The following ENPP3 variants were observed in gnomAD, a reference collection of about 807,000 sequenced individuals.
The protein encoded by ENPP3 is ectonucleotide pyrophosphatase/phosphodiesterase 3.
Under a neutral mutation model 117.8 loss-of-function variants are expected in ENPP3, and 104 were observed. The ratio of observed to expected loss-of-function variants is 0.88; its 90% CI spans 0.75 to 1.04. The LOEUF (loss-of-function observed/expected upper bound fraction) is 1.04, where lower values mean the gene tolerates loss of function less well. ENPP3 is among the 50% of genes least tolerant of loss of function. The probability of loss-of-function intolerance (pLI) is 0.00; values close to 1 mark genes in which losing one functional copy is unlikely to be tolerated. For synonymous variants in ENPP3, 380 were observed against 349.9 expected (o/e 1.09, Z -0.96); for missense variants, 1,026 against 1,051.9 (o/e 0.98, Z 0.34).
intron 24 of ENPP3, among the ~76,000 whole-genome samples, chr6:131,742,602 A>G (rs1209688341): frequency 1.3e-5 from 2 of 152,120 alleles, no homozygotes; most frequent in African/African-American, 4.8e-5. Flanking sequence ...ATCCTGAACA[A>G]CAACAACAAC....
intron 5 of ENPP3, among the ~76,000 whole-genome samples, chr6:131,654,283 G>A (rs982691342): frequency 6.6e-6 from 1 of 151,804 alleles, no homozygotes; most frequent in Non-Finnish European, 1.5e-5. Flanking sequence ...ACAGGCATGG[G>A]CCACCACATG....
rs181603038 is a variant in ENPP3 at position 131,676,870 on chromosome 6, T to A, written c.938+69T>A. 854 of 1,057,234 alleles carry A rather than the reference T, an allele frequency of 8.1e-4. 4 individuals carry two copies. In the African/African-American group the frequency reaches 0.013, roughly 16 times the overall value. 65.5% of individuals were successfully genotyped at this position (1,057,234 alleles called of 1,614,324 possible). A position where few individuals can be genotyped will look rare whatever the true frequency, so the allele number is the denominator to read the frequency against. On this transcript the variant is annotated intron_variant, in intron 10 of 24. Coordinates refer to ENST00000357639, the MANE Select transcript of ENPP3 (RefSeq NM_005021.5). ...ATGGGTAAAAAATGAAGTTTTTTTTTTTTTACTTTAAATTACAATTTTTGG... is the reference window on the plus strand; with the variant it reads ...ATGGGTAAAAAATGAAGTTTTTTTTATTTTACTTTAAATTACAATTTTTGG...
At chr6:131,696,879 C>T (rs1779419941) in intron 15 of ENPP3, among the ~76,000 whole-genome samples, 1 of 151,502 alleles carries the variant, frequency 6.6e-6, no homozygotes, top group African/African-American at 2.4e-5. Flanking sequence ...ATGCCATTCT[C>T]CTGCCTCAGC....
intron 20 of ENPP3, among the ~76,000 whole-genome samples, chr6:131,729,725 T>A (rs1301878531): frequency 6.6e-6 from 1 of 152,132 alleles, no homozygotes; most frequent in Non-Finnish European, 1.5e-5. Context: ...TCCATCCTTC[T>A]AATGGGCTGC....
intron 12 of ENPP3, among the ~76,000 whole-genome samples, chr6:131,683,662 A>C (rs1779080691): frequency 6.6e-6 from 1 of 152,034 alleles, no homozygotes; most frequent in Non-Finnish European, 1.5e-5. Context: ...TGAATGTTAA[A>C]GGAAGTGAAA....
chr6:131,681,252 G>A (rs939114375), intron 11 of ENPP3, among the ~76,000 whole-genome samples: 3 of 152,174 alleles, frequency 2.0e-5, no homozygotes, highest in African/African-American at 7.2e-5. Flanking sequence ...TTAACTGAAG[G>A]ACTGTGAACA....
intron 15 of ENPP3, among the ~76,000 whole-genome samples, chr6:131,717,351 GGTGTGTGT>G (rs71030754): frequency 0.095 from 8,457 of 89,196 alleles, 360 homozygotes; most frequent in South Asian, 0.11. Context: ...CCCTGCGGGG[GGTGTGTGT>G]GTGTGTGTGT....
At chr6:131,637,535 A>T (rs1430955572) in intron 1 of ENPP3, 73 bp downstream of exon 1, 2 of 846,562 alleles carry the variant, frequency 2.4e-6, no homozygotes, top group African/African-American at 3.5e-5. Context: ...TCCCATTTAC[A>T]TTTCTTTGTG....
At chr6:131,657,527 A>G (rs1415767751) in intron 5 of ENPP3, among the ~76,000 whole-genome samples, 1 of 152,234 alleles carries the variant, frequency 6.6e-6, no homozygotes, top group African/African-American at 2.4e-5. Context: ...CTGGAATATT[A>G]GATAGCTATG....
intron 11 of ENPP3, among the ~76,000 whole-genome samples, chr6:131,678,226 T>C (rs1778913756): frequency 6.6e-6 from 1 of 152,218 alleles, no homozygotes; most frequent in South Asian, 2.1e-4. Context: ...TTGCATATAA[T>C]GAAAACATCA....
At chr6:131,687,226 G>A (rs1463666909) in intron 14 of ENPP3, among the ~76,000 whole-genome samples, 1 of 152,090 alleles carries the variant, frequency 6.6e-6, no homozygotes, top group Non-Finnish European at 1.5e-5. Context: ...GTGTGAGATG[G>A]TATCTCATTG....
Position 131,653,056 on chromosome 6 carries a change from CT to C in ENPP3, c.464+169del, listed in dbSNP as rs774080634. On this transcript the variant is annotated intron_variant, in intron 5 of 24. Coordinates refer to ENST00000357639, the MANE Select transcript of ENPP3 (RefSeq NM_005021.5). Reference sequence around the variant, plus strand: ...CTTGTGGCTTCCAAGTTCTAATGGACTTTTGTTTGCTTTATTTTTTCACAAA... The same window carrying C: ...CTTGTGGCTTCCAAGTTCTAATGGACTTTGTTTGCTTTATTTTTTCACAAA... Among the ~76,000 whole-genome samples the C allele has an allele frequency of 6.6e-5, 10 of 152,120 alleles. No homozygotes were observed. The East Asian group carries it at 1.2e-3, about 18-fold the overall frequency.
chr6:131,683,540 A>G (rs777057888), intron 12 of ENPP3, among the ~76,000 whole-genome samples: 2 of 150,906 alleles, frequency 1.3e-5, no homozygotes, highest in Non-Finnish European at 3.0e-5. Flanking sequence ...CACCGTGTGT[A>G]TTTTTTTTTA....
intron 6 of ENPP3, among the ~76,000 whole-genome samples, chr6:131,670,635 G>C (rs1778719304): frequency 6.6e-6 from 1 of 152,018 alleles, no homozygotes; most frequent in Non-Finnish European, 1.5e-5. Flanking sequence ...GGACTACACA[G>C]GTGCATGCCA....
At chr6:131,718,554 T>C in intron 15 of ENPP3, 118 bp from the exon 16 acceptor site, 1 of 453,298 alleles carries the variant, frequency 2.2e-6, no homozygotes, top group East Asian at 3.5e-5. Flanking sequence ...ATTATTCTGT[T>C]GTTGATAAAA....
At chr6:131,638,103 T>G (rs1270147603) in intron 1 of ENPP3, among the ~76,000 whole-genome samples, 1 of 152,096 alleles carries the variant, frequency 6.6e-6, no homozygotes, top group Non-Finnish European at 1.5e-5. Context: ...TTTCATTGCT[T>G]CAGTTTTCTC....
chr6:131,685,997 A>T (rs1779146405), intron 14 of ENPP3, 90 bp downstream of exon 14: 1 of 498,054 alleles, frequency 2.0e-6, no homozygotes, highest in Admixed American at 3.9e-5. Flanking sequence ...TATATTTCTA[A>T]ATCTAAGCTA....
intron 11 of ENPP3, among the ~76,000 whole-genome samples, chr6:131,679,623 T>A (rs1170106208): frequency 1.3e-5 from 2 of 151,682 alleles, no homozygotes; most frequent in East Asian, 3.9e-4. Flanking sequence ...AAGAGATCTA[T>A]CTAGGCAGTC....
intron 7 of ENPP3, 36 bp downstream of exon 7, chr6:131,671,363 A>G: frequency 1.7e-6 from 2 of 1,166,086 alleles, no homozygotes; most frequent in Non-Finnish European, 2.6e-6. Context: ...CAGGCCAAAG[A>G]CCAGAACTGA....
Sources: allele counts gnomAD v4.1 joint callset (sites outside exome capture counted in the v4.1 genomes callset), GRCh38; gene constraint gnomAD v4.1.1; transcripts MANE v1.5; gene names NCBI Gene and HGNC (gene_info 2026-07-23, HGNC 2026-07-21).